The following RAP1A variants were observed in gnomAD, a reference collection of about 807,000 sequenced individuals.
RAP1A encodes the protein ras-related protein Rap-1A.
Under a neutral mutation model 26.4 loss-of-function variants are expected in RAP1A, and 6 were observed. The observed-to-expected ratio is 0.23, with a 90% CI of 0.12 to 0.45. The LOEUF is 0.45. RAP1A is among the 20% of genes least tolerant of loss of function. The probability of loss-of-function intolerance (pLI) is 0.99; values close to 1 mark genes in which losing one functional copy is unlikely to be tolerated. For missense variants in RAP1A, 121 were observed against 217.2 expected, an observed-to-expected ratio of 0.56 and a Z score of 2.78; for synonymous variants, 73 against 79.4, an observed-to-expected ratio of 0.92 and a Z score of 0.43.
At chr1:111,615,853 T>G (rs1659005036), upstream of RAP1A, among the ~76,000 whole-genome samples, 1 of 151,034 alleles carries the variant, frequency 6.6e-6, no homozygotes, top group Admixed American at 6.6e-5. Flanking sequence ...AAAAAAAAAT[T>G]TACTTCCTCA....
intron 1 of RAP1A, among the ~76,000 whole-genome samples, chr1:111,664,373 C>CAAAAAAAAAAAAAAAA (rs57610280): frequency 6.7e-5 from 6 of 89,870 alleles, no homozygotes; most frequent in African/African-American, 8.5e-5. Context: ...GACTCCGTCT[C>CAAAAAAAAAAAAAAAA]AAAAAAAAAA....
intron 1 of RAP1A, among the ~76,000 whole-genome samples, chr1:111,554,340 A>G (rs1411553473): frequency 6.6e-6 from 1 of 152,234 alleles, no homozygotes; most frequent in Non-Finnish European, 1.5e-5. Flanking sequence ...CCTACCAGAT[A>G]AAAAATTAAA....
At position 111,713,098 on chromosome 1, in the gene RAP1A, AT is replaced by A. The variant is rs1480527233; in HGVS notation, c.*701del. ...AATTACAGCTTTTATGGATGATTAA[AT>A]TTTAGTACATTTTCATTTGGTTTGT... On this transcript the variant is annotated 3_prime_UTR_variant, in exon 8 of 8. Transcript: ENST00000369709. 8 of 152,680 alleles carry A rather than the reference AT, an allele frequency of 5.2e-5. No homozygotes were observed. The South Asian group carries it at 1.5e-3, about 28-fold the overall frequency. The allele number at this position is 152,680 out of a possible 1,614,324, so 9.5% of individuals were successfully genotyped here.
chr1:111,655,036 A>G (rs1332794394), intron 1 of RAP1A, among the ~76,000 whole-genome samples: 2 of 151,868 alleles, frequency 1.3e-5, no homozygotes, highest in African/African-American at 4.8e-5. Context: ...CTGTCTGAAA[A>G]AATAAATGTG....
intron 1 of RAP1A, among the ~76,000 whole-genome samples, chr1:111,549,532 C>G (rs938449604): frequency 2.0e-5 from 3 of 151,684 alleles, no homozygotes; most frequent in Non-Finnish European, 4.4e-5. Context: ...CGCCTGTAGT[C>G]CCAGCTACTA....
intron 1 of RAP1A, among the ~76,000 whole-genome samples, chr1:111,575,904 T>C (rs1470579761): frequency 1.3e-5 from 2 of 152,180 alleles, no homozygotes; most frequent in East Asian, 1.9e-4. Context: ...TCAGTAAATA[T>C]TTCTAATACT....
At chr1:111,583,174 T>G (rs1338863598) in intron 1 of RAP1A, among the ~76,000 whole-genome samples, 1 of 152,020 alleles carries the variant, frequency 6.6e-6, no homozygotes, top group African/African-American at 2.4e-5. Context: ...TGTCTTTCCC[T>G]GTCCTGGAAA....
chr1:111,637,841 A>G (rs1422967220), intron 1 of RAP1A, among the ~76,000 whole-genome samples: 1 of 152,036 alleles, frequency 6.6e-6, no homozygotes, highest in Admixed American at 6.5e-5. Flanking sequence ...TTTTATTATA[A>G]AAGTTCTACT....
At chr1:111,653,662 T>A in intron 1 of RAP1A, among the ~76,000 whole-genome samples, 1 of 109,864 alleles carries the variant, frequency 9.1e-6, no homozygotes, top group African/African-American at 3.8e-5. Flanking sequence ...CAGCCTGGGC[T>A]ACAAGAGCGA....
chr1:111,593,195 T>G (rs1175616468), intron 1 of RAP1A, among the ~76,000 whole-genome samples: 1 of 152,154 alleles, frequency 6.6e-6, no homozygotes, highest in Non-Finnish European at 1.5e-5. Context: ...CTGTTCACAC[T>G]GGGCTGTCTA....
intron 1 of RAP1A, among the ~76,000 whole-genome samples, chr1:111,589,031 AT>A (rs1571485675): frequency 6.6e-6 from 1 of 152,210 alleles, no homozygotes; most frequent in East Asian, 1.9e-4. Context: ...CTTTATTATA[AT>A]TAGATATCTA....
At chr1:111,556,475 A>C (rs1035433526) in intron 1 of RAP1A, among the ~76,000 whole-genome samples, 1 of 152,232 alleles carries the variant, frequency 6.6e-6, no homozygotes. Context: ...CATTACTCAC[A>C]GTTGCCATAG....
At position 111,683,065 on chromosome 1, in the gene RAP1A, A is replaced by T. The variant is rs375553691; in HGVS notation, c.-27-8269A>T. Among the ~76,000 whole-genome samples the T allele has an allele frequency of 1.3e-4, 20 of 152,360 alleles. No individual in the cohort carries two copies. In the East Asian group the frequency reaches 2.9e-3, roughly 22 times the overall value. Reference sequence around the variant, plus strand: ...AAACTGAACAACCTGCTCCTGAATGACTACTGGGTAGATAACAAAATTAAG... The same window carrying T: ...AAACTGAACAACCTGCTCCTGAATGTCTACTGGGTAGATAACAAAATTAAG... On this transcript the variant is annotated intron_variant, in intron 1 of 7. Coordinates refer to ENST00000369709, the MANE Select transcript of RAP1A (RefSeq NM_002884.4).
chr1:111,699,655 A>G (rs1661957408), intron 4 of RAP1A, among the ~76,000 whole-genome samples: 1 of 150,338 alleles, frequency 6.7e-6, no homozygotes, highest in Middle Eastern at 3.4e-3. Context: ...TTTTTTGTAG[A>G]GACAGGGTCT....
At chr1:111,603,216 C>T (rs1478064526) in intron 1 of RAP1A, among the ~76,000 whole-genome samples, 3 of 152,220 alleles carry the variant, frequency 2.0e-5, no homozygotes, top group Non-Finnish European at 4.4e-5. Context: ...AATCAAAAAG[C>T]CACTTCCCAG....
chr1:111,607,170 C>T (rs1026130872), intron 1 of RAP1A, among the ~76,000 whole-genome samples: 1 of 151,078 alleles, frequency 6.6e-6, no homozygotes, highest in East Asian at 1.9e-4. Flanking sequence ...ACCCTGCGGC[C>T]TTCCGCAGTG....
intron 1 of RAP1A, among the ~76,000 whole-genome samples, chr1:111,646,983 G>C (rs189613386): frequency 5.3e-5 from 8 of 152,188 alleles, no homozygotes; most frequent in Admixed American, 2.0e-4. Context: ...GTTAAATTTG[G>C]GTAACTGGTC....
At chr1:111,607,812 G>C (rs1334209302) in intron 1 of RAP1A, among the ~76,000 whole-genome samples, 1 of 126,448 alleles carries the variant, frequency 7.9e-6, no homozygotes, top group Non-Finnish European at 1.7e-5. Context: ...CTGGCCGGGC[G>C]GGGGGCTGAC....
rs149365708 is a variant in RAP1A at position 111,543,263 on chromosome 1, G to A, written c.-28+754G>A. 4.2e-3 allele frequency among the ~76,000 whole-genome samples: 645 copies of A among 152,234 alleles called. 5 individuals are homozygous for A. The highest frequency in any genetic ancestry group is 0.014 in the African/African-American group (584 of 41,524). ...AACTCTGGTGTGTATGCGTGTTTCTGTGTGTGTTGTATAAATATATATATA... is the reference window on the plus strand; with the variant it reads ...AACTCTGGTGTGTATGCGTGTTTCTATGTGTGTTGTATAAATATATATATA... On this transcript the variant is annotated intron_variant, in intron 1 of 7. Coordinates refer to the RAP1A transcript ENST00000356415.
Sources: allele counts gnomAD v4.1 joint callset (sites outside exome capture counted in the v4.1 genomes callset), GRCh38; gene constraint gnomAD v4.1.1; transcripts MANE v1.5; gene names NCBI Gene and HGNC (gene_info 2026-07-23, HGNC 2026-07-21).